The following UBAP2L variants were observed in gnomAD, a reference collection of about 807,000 sequenced individuals.
UBAP2L encodes the protein ubiquitin-associated protein 2-like.
A neutral mutation model predicts 130.6 loss-of-function variants in UBAP2L; 12 were observed. The ratio of observed to expected loss-of-function variants is 0.09; its 90% confidence interval spans 0.06 to 0.15. The LOEUF (loss-of-function observed/expected upper bound fraction) is 0.15, where lower values mean the gene tolerates loss of function less well. Ranked by LOEUF, UBAP2L falls within the 10% of genes least tolerant of loss-of-function variation. UBAP2L has a pLI of 1.00. For missense variants in UBAP2L, 965 were observed against 1,332.5 expected, an observed-to-expected ratio of 0.72 and a Z score of 4.29; for synonymous variants, 503 against 524.7, an observed-to-expected ratio of 0.96 and a Z score of 0.57.
At chr1:154,259,562 AGTAAAGTACTCT>A (rs1680833118) in intron 21 of UBAP2L, among the ~76,000 whole-genome samples, 1 of 151,974 alleles carries the variant, frequency 6.6e-6, no homozygotes, top group South Asian at 2.1e-4. Flanking sequence ...TCTATAGCCC[AGTAAAGTACTCT>A]GGAGCACTCA....
chr1:154,242,932 A>ATT (rs1172214465), intron 9 of UBAP2L: 48 of 169,076 alleles, frequency 2.8e-4, no homozygotes, highest in East Asian at 9.6e-4. Flanking sequence ...TCTTTCTTTT[A>ATT]TTTTTTTTTT....
At chr1:154,247,274 T>C (rs1254477445) in intron 11 of UBAP2L, among the ~76,000 whole-genome samples, 1 of 152,182 alleles carries the variant, frequency 6.6e-6, no homozygotes, top group Non-Finnish European at 1.5e-5. Context: ...TTAAAATGTT[T>C]TTTGTGTGTG....
chr1:154,267,311 G>A (rs1044795548), intron 25 of UBAP2L, among the ~76,000 whole-genome samples: 6 of 151,182 alleles, frequency 4.0e-5, no homozygotes, highest in South Asian at 2.1e-4. Context: ...GCCCACCACC[G>A]CGCCTGCTAA....
chr1:154,239,537 A>T (rs1371990146), intron 8 of UBAP2L, among the ~76,000 whole-genome samples: 1 of 152,184 alleles, frequency 6.6e-6, no homozygotes, highest in Non-Finnish European at 1.5e-5. Context: ...TGGAAACCCT[A>T]GTCTGTTGTT....
At chr1:154,254,599 T>G (rs1678983031) in intron 15 of UBAP2L, 1 of 564,586 alleles carries the variant, frequency 1.8e-6, no homozygotes, top group Admixed American at 3.6e-5. Flanking sequence ...TTTGTAGGGT[T>G]TCCTTCTTTT....
At chr1:154,247,009 G>A (rs1194580) in intron 11 of UBAP2L, among the ~76,000 whole-genome samples, 3 of 151,996 alleles carry the variant, frequency 2.0e-5, no homozygotes, top group Admixed American at 2.0e-4. Context: ...GGTCATTAAC[G>A]ACATCAAAGG....
chr1:154,250,791 G>A (rs1359407674), intron 12 of UBAP2L, among the ~76,000 whole-genome samples: 1 of 151,096 alleles, frequency 6.6e-6, no homozygotes, highest in Non-Finnish European at 1.5e-5. Flanking sequence ...ATGTTGAAGT[G>A]GGCTGAGATT....
chr1:154,251,415 G>GT lies in UBAP2L; in HGVS notation c.1492-58dup, dbSNP rs35229562. ...TAAGTTTGGAAATTTAAAGGGAAGG[G>GT]TTTTTTTTAGTCTTTAGTAAGGTTG... On this transcript the variant is annotated intron_variant, in intron 13 of 26. Coordinates refer to ENST00000428931, the MANE Select transcript of UBAP2L (RefSeq NM_014847.4). 15,118 of 1,577,042 alleles carry GT rather than the reference G, an allele frequency of 9.6e-3. 1,260 individuals carry two copies. The African/African-American group carries it at 0.18, about 19-fold the overall frequency.
At chr1:154,257,606 G>A (rs1201544956) in intron 20 of UBAP2L, 172 bp downstream of exon 20, 12 of 668,016 alleles carry the variant, frequency 1.8e-5, no homozygotes, top group Non-Finnish European at 3.0e-5. Context: ...AAATGTGGCC[G>A]TATTTTTGAT....
At chr1:154,241,833 G>C (rs1294629218) in intron 9 of UBAP2L, 25 of 963,366 alleles carry the variant, frequency 2.6e-5, no homozygotes, top group Non-Finnish European at 3.1e-5. Flanking sequence ...TTTATCCCAG[G>C]AAGAGATTGG....
At chr1:154,226,293 G>A (rs1327771787) in intron 2 of UBAP2L, among the ~76,000 whole-genome samples, 1 of 152,214 alleles carries the variant, frequency 6.6e-6, no homozygotes, top group African/African-American at 2.4e-5. Flanking sequence ...AAACACCTTA[G>A]AGCATTGCTC....
chr1:154,255,064 T>C, intron 16 of UBAP2L, 88 bp from the exon 17 acceptor site: 2 of 1,483,644 alleles, frequency 1.3e-6, no homozygotes, highest in Non-Finnish European at 1.8e-6. Context: ...CATCCTTTTG[T>C]CTTTGGAACT....
At chr1:154,249,161 G>T (rs1676668673) in intron 11 of UBAP2L, 78 bp from the exon 12 acceptor site, 1 of 1,423,198 alleles carries the variant, frequency 7.0e-7, no homozygotes, top group African/African-American at 1.4e-5. Context: ...CTGGCTCTCG[G>T]TCTGGATAAG....
chr1:154,262,966 C>G, intron 24 of UBAP2L: 2 of 810,774 alleles, frequency 2.5e-6, no homozygotes, highest in Non-Finnish European at 3.7e-6. Context: ...ATACCTGATT[C>G]TAGAAATCCC....
intron 18 of UBAP2L, among the ~76,000 whole-genome samples, chr1:154,256,153 G>A (rs1679577050): frequency 6.6e-6 from 1 of 152,212 alleles, no homozygotes; most frequent in South Asian, 2.1e-4. Flanking sequence ...TAGATGCCAG[G>A]TGAGAGCTTT....
chr1:154,267,878 GTCTTTTTTTT>G (rs1354572149), intron 25 of UBAP2L, among the ~76,000 whole-genome samples: 1 of 62,734 alleles, frequency 1.6e-5, no homozygotes, highest in African/African-American at 5.7e-5. Flanking sequence ...CTCTTATTTG[GTCTTTTTTTT>G]TTTTTTTTTT....
intron 2 of UBAP2L, among the ~76,000 whole-genome samples, chr1:154,226,094 A>G (rs994842807): frequency 1.3e-5 from 2 of 152,236 alleles, no homozygotes; most frequent in Non-Finnish European, 2.9e-5. Context: ...GATTATAGGC[A>G]TGAGCCGCTG....
rs1293991912 is a variant in UBAP2L, at chr1:154,257,529, A to G, written c.2442+95A>G. The G allele has an allele frequency of 6.0e-6, 8 of 1,328,394 alleles. No individual in the cohort carries two copies. In the Middle Eastern group the frequency reaches 7.8e-4, roughly 129 times the overall value. 82.3% of individuals were successfully genotyped at this position (1,328,394 alleles called of 1,614,324 possible). A position where few individuals can be genotyped will look rare whatever the true frequency, so the allele number is the denominator to read the frequency against. ...TCAGATGGACCCCTGTGAATACCAA[A>G]ACTTGCACATACTCAAGCCCTGCAG... On this transcript the variant is annotated intron_variant, in intron 20 of 26. Transcript: ENST00000428931.
chr1:154,243,252 G>C lies in UBAP2L; in HGVS notation c.792G>C (p.Val264=). The C allele has an allele frequency of 6.2e-7, 1 of 1,612,016 alleles. No individual in the cohort carries two copies. The highest frequency in any genetic ancestry group is 8.5e-7 in the Non-Finnish European group (1 of 1,178,466). The change falls in exon 10 of 27, where the codon GTG becomes GTC. Residue 264 remains valine (V), a synonymous_variant. Transcript: ENST00000428931. ...CCAAGATCTTCACTGCCTCTAATGT[G>C]TCTTCAGTGCCTCTGCCTGCGGAGA... is the stretch of plus-strand genomic sequence containing the variant. ...SETKIFTASN[V]SSVPLPAENV... is the part of the protein sequence containing the mutation.
Sources: allele counts gnomAD v4.1 joint callset (sites outside exome capture counted in the v4.1 genomes callset), GRCh38; gene constraint gnomAD v4.1.1; transcripts MANE v1.5; gene names NCBI Gene and HGNC (gene_info 2026-07-23, HGNC 2026-07-21).